CABCOCO1: variants seen among roughly 807,000 people sequenced by gnomAD.
The protein encoded by CABCOCO1 is ciliary associated calcium binding coiled-coil 1.
In CABCOCO1, 28 loss-of-function variants were observed where a neutral mutation model predicts 35.7. The ratio of observed to expected loss-of-function variants is 0.78; its 90% CI spans 0.58 to 1.07. The LOEUF (loss-of-function observed/expected upper bound fraction) is 1.07. Among genes scored for constraint, CABCOCO1 ranks in the 50% least tolerant of loss-of-function variants. The pLI, the probability that CABCOCO1 is intolerant of heterozygous loss-of-function variation, is 0.00. For missense variants in CABCOCO1, 326 were observed against 309.2 expected, an observed-to-expected ratio of 1.05 and a Z score of -0.41; for synonymous variants, 95 against 100.1, an observed-to-expected ratio of 0.95 and a Z score of 0.30.
chr10:61,738,703 T>C (rs1181446818), intron 5 of CABCOCO1, among the ~76,000 whole-genome samples: 1 of 152,240 alleles, frequency 6.6e-6, no homozygotes, highest in Non-Finnish European at 1.5e-5. Context: ...TTAACAATTG[T>C]ACAATAAATG....
At chr10:61,703,367 T>G (rs1316777623) in intron 5 of CABCOCO1, among the ~76,000 whole-genome samples, 3 of 151,696 alleles carry the variant, frequency 2.0e-5, no homozygotes, top group Non-Finnish European at 4.4e-5. Context: ...ATAAGGGACT[T>G]TCATATAAAA....
chr10:61,715,876 A>G (rs962013878), intron 5 of CABCOCO1, among the ~76,000 whole-genome samples: 6 of 152,048 alleles, frequency 3.9e-5, no homozygotes, highest in African/African-American at 1.5e-4. Flanking sequence ...CTGCCAGGAG[A>G]TCCACTGTTA....
At chr10:61,762,799 A>C (rs1842034266) in intron 7 of CABCOCO1, among the ~76,000 whole-genome samples, 1 of 151,984 alleles carries the variant, frequency 6.6e-6, no homozygotes, top group South Asian at 2.1e-4. Context: ...ATCCACAAAA[A>C]CCACATAACT....
chr10:61,684,555 T>A (rs1392075517), intron 3 of CABCOCO1, among the ~76,000 whole-genome samples: 2 of 152,148 alleles, frequency 1.3e-5, no homozygotes, highest in African/African-American at 4.8e-5. Context: ...AAGTGTAATG[T>A]TGACTGATGG....
At chr10:61,763,427 G>C (rs1334493288) in intron 7 of CABCOCO1, among the ~76,000 whole-genome samples, 1 of 151,984 alleles carries the variant, frequency 6.6e-6, no homozygotes, top group East Asian at 1.9e-4. Context: ...ATACTGAATA[G>C]AGCAAACATT....
chr10:61,665,257 A>G (rs139354090), intron 1 of CABCOCO1, among the ~76,000 whole-genome samples: 27 of 152,312 alleles, frequency 1.8e-4, no homozygotes, highest in Admixed American at 1.6e-3. Context: ...GAATTACTCT[A>G]TGAGTTACTG....
At chr10:61,750,209 T>TA (rs979879543) in intron 5 of CABCOCO1, among the ~76,000 whole-genome samples, 1 of 152,178 alleles carries the variant, frequency 6.6e-6, no homozygotes, top group African/African-American at 2.4e-5. Flanking sequence ...AGGGGTATGG[T>TA]ATCTCTGAGG....
intron 2 of CABCOCO1, among the ~76,000 whole-genome samples, chr10:61,673,353 C>T (rs1839417409): frequency 6.6e-6 from 1 of 152,098 alleles, no homozygotes; most frequent in Non-Finnish European, 1.5e-5. Context: ...ACATAATATC[C>T]TAAAAGGTGT....
Position 61,681,319 on chromosome 10 carries a change from A to G in CABCOCO1, c.334+7A>G, listed in dbSNP as rs781700442. 6.6e-7 allele frequency: 1 copy of G among 1,520,958 alleles called. No individual in the cohort carries two copies. The highest frequency in any genetic ancestry group is 9.0e-7 in the Non-Finnish European group (1 of 1,113,148). 94.2% of individuals were successfully genotyped at this position (1,520,958 alleles called of 1,614,324 possible). On this transcript the variant is annotated splice_region_variant and intron_variant, in intron 3 of 7. Transcript: ENST00000648843. ...TCACTTCAAAATCTTAAAAGTAAGT[A>G]CACTATTTTCCTTTGAAGTAAAACA...
At chr10:61,665,485 G>A (rs1902426) in intron 1 of CABCOCO1, among the ~76,000 whole-genome samples, 17 of 151,968 alleles carry the variant, frequency 1.1e-4, no homozygotes, top group African/African-American at 3.9e-4. Flanking sequence ...TATTTGTTAC[G>A]CATAGACCTG....
intron 2 of CABCOCO1, among the ~76,000 whole-genome samples, chr10:61,674,240 T>G (rs926347858): frequency 6.6e-6 from 1 of 152,200 alleles, no homozygotes; most frequent in Admixed American, 6.5e-5. Flanking sequence ...ATCTAAATTC[T>G]GAACATATTT....
chr10:61,754,925 G>C (rs544147068), intron 5 of CABCOCO1, among the ~76,000 whole-genome samples: 140 of 152,218 alleles, frequency 9.2e-4, no homozygotes, highest in African/African-American at 3.2e-3. Context: ...CAGAAGCCTG[G>C]CAACATTTTG....
At chr10:61,688,722 C>T (rs1840041446) in intron 4 of CABCOCO1, among the ~76,000 whole-genome samples, 1 of 152,204 alleles carries the variant, frequency 6.6e-6, no homozygotes, top group Non-Finnish European at 1.5e-5. Flanking sequence ...CAGGGTATTG[C>T]ACTTCCAGGC....
At position 61,662,955 on chromosome 10, in the gene CABCOCO1, T is replaced by A. The variant is rs936973730; in HGVS notation, c.-18T>A. ...CCTAGGTGACGAGGGGCCGCTTCTC[T>A]CGGCCGAGATTGCGGCGATGTCGCA... On this transcript the variant is annotated 5_prime_UTR_variant, in exon 1 of 8. Transcript: ENST00000648843. The A allele has an allele frequency of 1.3e-5, 5 of 392,892 alleles. No individual in the cohort carries two copies. In the Admixed American group the frequency reaches 1.5e-4, roughly 12 times the overall value. The allele number at this position is 392,892 out of a possible 1,614,324, so 24.3% of individuals were successfully genotyped here.
chr10:61,740,696 TTTAAA>T (rs1289556902), intron 5 of CABCOCO1, among the ~76,000 whole-genome samples: 5 of 152,216 alleles, frequency 3.3e-5, no homozygotes, highest in African/African-American at 1.2e-4. Context: ...TTTTGTCATC[TTTAAA>T]TTGACTTATT....
At position 61,766,303 on chromosome 10, in the gene CABCOCO1, G is replaced by A. The variant is rs767413572; in HGVS notation, c.*290G>A. The A allele has an allele frequency of 5.8e-5, 11 of 189,148 alleles. No individual in the cohort carries two copies. The highest frequency in any genetic ancestry group is 1.6e-4 in the South Asian group (1 of 6,274). 11.7% of individuals were successfully genotyped at this position (189,148 alleles called of 1,614,324 possible). A position where few individuals can be genotyped will look rare whatever the true frequency, so the allele number is the denominator to read the frequency against. ...ATTACTTTTATGATAGTCCTTTGAC[G>A]TTTTGACTAATAAATCCTATTCATC... On this transcript the variant is annotated 3_prime_UTR_variant, in exon 8 of 8. Transcript: ENST00000648843.
chr10:61,703,227 G>GACACACACAC (rs35152499), intron 5 of CABCOCO1, among the ~76,000 whole-genome samples: 23 of 141,490 alleles, frequency 1.6e-4, no homozygotes, highest in South Asian at 4.7e-4. Context: ...CTTGTGAGGA[G>GACACACACAC]ACACACACAC....
intron 5 of CABCOCO1, among the ~76,000 whole-genome samples, chr10:61,759,585 C>T (rs1841965488): frequency 6.6e-6 from 1 of 152,010 alleles, no homozygotes; most frequent in East Asian, 1.9e-4. Flanking sequence ...CTTTGCAGCC[C>T]TTATTGTCTT....
chr10:61,757,700 G>GACAC (rs67841126), intron 5 of CABCOCO1, among the ~76,000 whole-genome samples: 4,994 of 147,792 alleles, frequency 0.034, 124 homozygotes, highest in East Asian at 0.061. Flanking sequence ...CACACACACA[G>GACAC]ACACACACAC....
Sources: allele counts gnomAD v4.1 joint callset (sites outside exome capture counted in the v4.1 genomes callset), GRCh38; gene constraint gnomAD v4.1.1; transcripts MANE v1.5; gene names NCBI Gene and HGNC (gene_info 2026-07-23, HGNC 2026-07-21).